The following UGT8 variants were observed in gnomAD, a reference collection of about 807,000 sequenced individuals.
UGT8 encodes UDP glycosyltransferase 8.
In UGT8, 12 loss-of-function variants were observed where a neutral mutation model predicts 40.5. The observed-to-expected ratio is 0.30, with a 90% CI of 0.19 to 0.48. The LOEUF is 0.48. Ranked by LOEUF, UGT8 falls within the 20% of genes least tolerant of loss-of-function variation. The pLI is 0.99. For missense variants in UGT8, 513 were observed against 648.7 expected, an observed-to-expected ratio of 0.79 and a Z score of 2.27; for synonymous variants, 224 against 240.4, an observed-to-expected ratio of 0.93 and a Z score of 0.63.
chr4:114,641,178 A>G (rs1174466825), intron 2 of UGT8, among the ~76,000 whole-genome samples: 3 of 152,224 alleles, frequency 2.0e-5, no homozygotes, highest in African/African-American at 7.2e-5. Flanking sequence ...ATCAACTGAT[A>G]ATCAATTGCT....
At chr4:114,608,137 C>T (rs765802950) in intron 1 of UGT8, among the ~76,000 whole-genome samples, 12 of 152,108 alleles carry the variant, frequency 7.9e-5, no homozygotes, top group Non-Finnish European at 1.3e-4. Context: ...TCAGGATATC[C>T]CCCCGCTTGA....
intron 2 of UGT8, among the ~76,000 whole-genome samples, chr4:114,630,014 T>TG (rs1250648881): frequency 6.6e-6 from 1 of 152,200 alleles, no homozygotes; most frequent in Non-Finnish European, 1.5e-5. Flanking sequence ...ACACCAGTTT[T>TG]GGGGGATGAT....
chr4:114,639,539 C>G (rs1420032689), intron 2 of UGT8, among the ~76,000 whole-genome samples: 1 of 152,104 alleles, frequency 6.6e-6, no homozygotes, highest in Non-Finnish European at 1.5e-5. Flanking sequence ...TTTGCTTTGC[C>G]TTTTCTTCTT....
chr4:114,671,844 A>G (rs372800722), intron 5 of UGT8, among the ~76,000 whole-genome samples: 31 of 152,352 alleles, frequency 2.0e-4, no homozygotes, highest in African/African-American at 7.5e-4. Flanking sequence ...ATTAAACTAA[A>G]GTTTCTGCAC....
intron 1 of UGT8, among the ~76,000 whole-genome samples, chr4:114,616,168 C>CT (rs1178101255): frequency 1.3e-5 from 2 of 152,174 alleles, no homozygotes; most frequent in African/African-American, 4.8e-5. Flanking sequence ...TTTCTGCTGC[C>CT]TTTTTTGGGG....
intron 3 of UGT8, among the ~76,000 whole-genome samples, chr4:114,664,641 G>T (rs142696079): frequency 1.3e-5 from 2 of 152,012 alleles, no homozygotes; most frequent in Non-Finnish European, 2.9e-5. Context: ...ACACAATCAC[G>T]TACCATTTAA....
chr4:114,657,919 A>G (rs1489617470), intron 2 of UGT8, among the ~76,000 whole-genome samples: 1 of 152,224 alleles, frequency 6.6e-6, no homozygotes, highest in Non-Finnish European at 1.5e-5. Flanking sequence ...AAGATCATAC[A>G]GCAAATTGTG....
chr4:114,676,153 A>G lies in UGT8; in HGVS notation c.1491A>G (p.Lys497=), dbSNP rs760965751. ...ACTTTCTCTTGTCTTGGGTGACAAA[A>G]TTTATCTACAGAAAAATCAAAAGTC... is the stretch of plus-strand genomic sequence containing the variant. ...LLYFLLSWVT[K]FIYRKIKSLW... is the part of the protein sequence containing the mutation. The change falls in exon 6 of 6, where the codon AAA becomes AAG. Residue 497 remains lysine, a synonymous_variant. Transcript: ENST00000310836. 6.2e-7 allele frequency: 1 copy of G among 1,614,164 alleles called. No individual in the cohort carries two copies. Among genetic ancestry groups the G allele is most frequent in the South Asian group, 1.1e-5 (1 of 91,082 alleles).
chr4:114,616,264 G>A (rs895225213), intron 1 of UGT8, among the ~76,000 whole-genome samples: 3 of 152,102 alleles, frequency 2.0e-5, no homozygotes, highest in Admixed American at 6.5e-5. Context: ...CGAGCTTCCC[G>A]GCCGCCTTGT....
chr4:114,630,304 T>A (rs1439753815), intron 2 of UGT8, among the ~76,000 whole-genome samples: 1 of 152,222 alleles, frequency 6.6e-6, no homozygotes, highest in African/African-American at 2.4e-5. Context: ...TAGTCTTATC[T>A]TCATACGACT....
chr4:114,604,029 C>A (rs1388009182), intron 1 of UGT8, among the ~76,000 whole-genome samples: 6 of 152,086 alleles, frequency 3.9e-5, no homozygotes, highest in African/African-American at 1.2e-4. Flanking sequence ...GCAGAGGGAG[C>A]CAACTGAACA....
intron 4 of UGT8, 82 bp downstream of exon 4, chr4:114,665,838 G>A (rs1345477190): frequency 1.8e-6 from 2 of 1,107,364 alleles, no homozygotes; most frequent in Non-Finnish European, 2.6e-6. Flanking sequence ...TTTTACTTCA[G>A]AGGTTCATAC....
At chr4:114,621,574 T>A (rs1731792981) in intron 1 of UGT8, among the ~76,000 whole-genome samples, 1 of 152,192 alleles carries the variant, frequency 6.6e-6, no homozygotes, top group South Asian at 2.1e-4. Flanking sequence ...ATTAAAATGA[T>A]TTAAATAAGA....
At chr4:114,644,829 G>A (rs1047592257) in intron 2 of UGT8, among the ~76,000 whole-genome samples, 1 of 152,010 alleles carries the variant, frequency 6.6e-6, no homozygotes, top group African/African-American at 2.4e-5. Flanking sequence ...TCTCTGCATG[G>A]TCCCTCTACA....
At chr4:114,643,854 CTTCT>C (rs1345859797) in intron 2 of UGT8, among the ~76,000 whole-genome samples, 2 of 152,038 alleles carry the variant, frequency 1.3e-5, no homozygotes, top group Non-Finnish European at 2.9e-5. Flanking sequence ...ACTCTCAATG[CTTCT>C]TTCTTTCTGG....
At chr4:114,607,762 C>T (rs1730819721) in intron 1 of UGT8, among the ~76,000 whole-genome samples, 1 of 152,064 alleles carries the variant, frequency 6.6e-6, no homozygotes. Flanking sequence ...TAATCTATTC[C>T]TAATTGATCA....
intron 1 of UGT8, among the ~76,000 whole-genome samples, chr4:114,609,073 G>A (rs911014583): frequency 6.6e-6 from 1 of 152,218 alleles, no homozygotes; most frequent in South Asian, 2.1e-4. Context: ...AATAGGAATA[G>A]GAATATATTT....
At chr4:114,599,001 G>A (rs944797649) in intron 1 of UGT8, 27 bp downstream of exon 1, 4 of 151,864 alleles carry the variant, frequency 2.6e-5, no homozygotes, top group African/African-American at 9.7e-5. Flanking sequence ...CGCCGTTCCA[G>A]AGGGCGGAAG....
Position 114,676,288 on chromosome 4 carries a change from A to G in UGT8, c.1626A>G (p.Ter542TrpextTer23). Residue 542 changes from the stop codon to tryptophan (W), a stop_lost, in exon 6 of 6, where the codon TGA becomes TGG. Transcript: ENST00000310836. ...GHIKHEKKVK[*>W] The stretch of plus-strand genomic sequence containing the variant: ...TTAAACATGAAAAGAAAGTGAAATG[A>G]GCCAACAGCCCAGGTGATAGAAATA... The G allele has an allele frequency of 1.3e-6, 2 of 1,576,996 alleles. No homozygotes were observed. The highest frequency in any genetic ancestry group is 1.4e-5 in the African/African-American group (1 of 73,492).
Sources: allele counts gnomAD v4.1 joint callset (sites outside exome capture counted in the v4.1 genomes callset), GRCh38; gene constraint gnomAD v4.1.1; transcripts MANE v1.5; gene names NCBI Gene and HGNC (gene_info 2026-07-23, HGNC 2026-07-21).